Variants in KANK1 observed in about 807,000 individuals in gnomAD.
KANK1 encodes the protein KN motif and ankyrin repeat domains 1, also known as KN motif and ankyrin repeat domain-containing protein 1.
In KANK1, 109 loss-of-function variants were observed where a neutral mutation model predicts 106.2. The ratio of observed to expected loss-of-function variants is 1.03; its 90% CI spans 0.88 to 1.20. The LOEUF is 1.20. Among genes scored for constraint, KANK1 ranks in the 50% most tolerant of loss-of-function variants. The pLI, the probability that KANK1 is intolerant of heterozygous loss-of-function variation, is 0.00. For missense variants in KANK1, 2,399 were observed against 1,710.7 expected, an observed-to-expected ratio of 1.40 and a Z score of -7.10; for synonymous variants, 873 against 652.2, an observed-to-expected ratio of 1.34 and a Z score of -5.16.
chr9:686,419 G>T (rs1426628043), intron 2 of KANK1, among the ~76,000 whole-genome samples: 1 of 152,182 alleles, frequency 6.6e-6, no homozygotes, highest in Non-Finnish European at 1.5e-5. Context: ...AGCTTATGCA[G>T]CATGTACCCC....
chr9:557,674 C>G (rs761124420), intron 1 of KANK1, among the ~76,000 whole-genome samples: 5 of 152,146 alleles, frequency 3.3e-5, no homozygotes, highest in Non-Finnish European at 7.3e-5. Flanking sequence ...TGAGGAAGAA[C>G]AGGAGAAGGC....
rs767734594 is a variant in KANK1 at position 542,044 on chromosome 9, GC to G, written c.-84+37291del. ...GCGGAGCTTGCAGTGAGCCGAGATC[GC>G]GCCACTGCACTCCAGCCTGGGCGAC... On this transcript the variant is annotated intron_variant, in intron 1 of 11. Coordinates refer to ENST00000382297, the MANE Select transcript of KANK1 (RefSeq NM_015158.5). 1.2e-3 allele frequency among the ~76,000 whole-genome samples: 179 copies of G among 151,670 alleles called. 1 individual carries two copies. The highest frequency in any genetic ancestry group is 1.7e-3 in the Non-Finnish European group (117 of 67,890).
intron 1 of KANK1, among the ~76,000 whole-genome samples, chr9:653,250 A>G (rs2137656477): frequency 6.6e-6 from 1 of 152,228 alleles, no homozygotes; most frequent in South Asian, 2.1e-4. Flanking sequence ...ACGTTCCCAG[A>G]GTCCCAGAGG....
chr9:574,854 CAAAAAAAAAAA>C, intron 1 of KANK1, among the ~76,000 whole-genome samples: 1 of 79,240 alleles, frequency 1.3e-5, no homozygotes, highest in East Asian at 3.4e-4. Flanking sequence ...GACTCCGTCT[CAAAAAAAAAAA>C]AAAAAGAAAA....
chr9:545,511 G>C lies in KANK1; in HGVS notation c.-84+40757G>C, dbSNP rs575319869. On this transcript the variant is annotated intron_variant, in intron 1 of 11. Coordinates refer to ENST00000382297, the MANE Select transcript of KANK1 (RefSeq NM_015158.5). ...AGAGGGCTTAGGGCAGAACTCTGAAGAGCAACCTGCAAAGGAGACTGAGGA... is the reference window on the plus strand; with the variant it reads ...AGAGGGCTTAGGGCAGAACTCTGAACAGCAACCTGCAAAGGAGACTGAGGA... 5.9e-5 allele frequency among the ~76,000 whole-genome samples: 9 copies of C among 152,220 alleles called. No homozygotes were observed. In the South Asian group the frequency reaches 1.9e-3, roughly 32 times the overall value.
intron 1 of KANK1, among the ~76,000 whole-genome samples, chr9:613,383 A>G (rs1372413839): frequency 2.0e-5 from 3 of 151,508 alleles, no homozygotes; most frequent in Non-Finnish European, 4.4e-5. Flanking sequence ...TGTCCAACCC[A>G]TGGCCCACAG....
rs1834361486 is a variant in KANK1, at chr9:738,361, G to C, written c.3410G>C (p.Gly1137Ala). The C allele has an allele frequency of 6.2e-7, 1 of 1,614,100 alleles. No homozygotes were observed. The highest frequency in any genetic ancestry group is 8.5e-7 in the Non-Finnish European group (1 of 1,180,024). ...AAGTCAGCCATTCCAGCCATGGTGG[G>C]GGACTACATAGCTGCTTTTGAGGCC... The part of the protein sequence containing the change: ...SQKSAIPAMV[G>A]DYIAAFEAIS... Residue 1137 changes from glycine (G) to alanine (A), a missense_variant, in exon 8 of 12, where the codon GGG becomes GCG. Physicochemically the swap from Gly to Ala is moderately conservative, Grantham distance 60. Transcript: ENST00000382297.
intron 2 of KANK1, among the ~76,000 whole-genome samples, chr9:691,892 C>T (rs1820027314): frequency 1.3e-5 from 2 of 151,476 alleles, no homozygotes; most frequent in African/African-American, 4.9e-5. Context: ...ATTGGGATTA[C>T]ACGCATGAGC....
upstream of KANK1, among the ~76,000 whole-genome samples, chr9:504,469 G>C (rs913940508): frequency 6.6e-6 from 1 of 151,638 alleles, no homozygotes; most frequent in Non-Finnish European, 1.5e-5. Flanking sequence ...CCCCCGCGGG[G>C]AGCCGGGCGT....
intron 1 of KANK1, among the ~76,000 whole-genome samples, chr9:505,227 T>C (rs2058695471): frequency 1.3e-5 from 2 of 152,140 alleles, no homozygotes; most frequent in African/African-American, 2.4e-5. Flanking sequence ...GAGTTGGATG[T>C]TGCCCTTCGC....
chr9:714,186 T>C (rs1224260060), intron 3 of KANK1, among the ~76,000 whole-genome samples: 1 of 152,078 alleles, frequency 6.6e-6, no homozygotes, highest in East Asian at 1.9e-4. Flanking sequence ...CCTGCGGTGC[T>C]TACATTCTAG....
At chr9:677,297 A>G (rs763226176) in intron 2 of KANK1, among the ~76,000 whole-genome samples, 14 of 152,332 alleles carry the variant, frequency 9.2e-5, no homozygotes, top group Non-Finnish European at 1.9e-4. Context: ...AATGTAATGT[A>G]TACTCCTCTT....
At chr9:724,619 T>C (rs1170243262) in intron 3 of KANK1, among the ~76,000 whole-genome samples, 1 of 152,016 alleles carries the variant, frequency 6.6e-6, no homozygotes, top group Admixed American at 6.5e-5. Context: ...CTAGCCAACA[T>C]AGTAAAATCC....
At chr9:669,058 T>C (rs1260793419) in intron 1 of KANK1, among the ~76,000 whole-genome samples, 1 of 152,112 alleles carries the variant, frequency 6.6e-6, no homozygotes, top group Admixed American at 6.6e-5. Flanking sequence ...AAAAAAAGAA[T>C]AAATAAAAAA....
intron 1 of KANK1, among the ~76,000 whole-genome samples, chr9:572,149 G>A (rs1342780766): frequency 1.4e-5 from 1 of 69,302 alleles, no homozygotes; most frequent in Non-Finnish European, 2.9e-5. Context: ...AATAAACAGT[G>A]ATTTTTTTTT....
At chr9:707,360 C>T (rs898770691) in intron 2 of KANK1, 1 of 459,750 alleles carries the variant, frequency 2.2e-6, no homozygotes, top group Non-Finnish European at 2.9e-6. Flanking sequence ...CACTCCACCG[C>T]AGGCCTACGG....
At chr9:726,654 A>C (rs1267484624) in intron 3 of KANK1, among the ~76,000 whole-genome samples, 1 of 151,642 alleles carries the variant, frequency 6.6e-6, no homozygotes, top group African/African-American at 2.4e-5. Flanking sequence ...AGAAAACTTG[A>C]ACGGAGACAA....
At chr9:619,735 A>C (rs1306422644) in intron 1 of KANK1, among the ~76,000 whole-genome samples, 3 of 152,190 alleles carry the variant, frequency 2.0e-5, no homozygotes, top group Non-Finnish European at 4.4e-5. Context: ...TCCTATATTA[A>C]GATGTTGAAA....
At chr9:638,588 A>G (rs58172099) in intron 1 of KANK1, among the ~76,000 whole-genome samples, 24,431 of 152,202 alleles carry the variant, frequency 0.16, 2,148 homozygotes, top group African/African-American at 0.18. Context: ...TTTTTCAACC[A>G]AAGGCAAAAT....
Sources: gnomAD v4.1 joint callset for allele counts (sites outside exome capture counted in the v4.1 genomes callset) on GRCh38, gnomAD v4.1.1 for gene constraint, MANE v1.5 for transcripts, NCBI Gene and HGNC (gene_info 2026-07-23, HGNC 2026-07-21) for gene names.